ADCY7: variants seen among roughly 807,000 people sequenced by gnomAD.
ADCY7 encodes adenylate cyclase type 7.
In ADCY7, 72 loss-of-function variants were observed where a neutral mutation model predicts 120.6. The ratio of observed to expected loss-of-function variants is 0.60; its 90% CI spans 0.49 to 0.73. The LOEUF (loss-of-function observed/expected upper bound fraction) is 0.73. Ranked by LOEUF, ADCY7 falls within the 30% of genes least tolerant of loss-of-function variation. ADCY7 has a pLI of 0.00. For missense variants in ADCY7, 1,227 were observed against 1,486.0 expected (o/e 0.83, Z 2.87); for synonymous variants, 661 against 628.0 (o/e 1.05, Z -0.78).
At chr16:50,277,878 G>A (rs1454766170) in intron 1 of ADCY7, among the ~76,000 whole-genome samples, 1 of 151,790 alleles carries the variant, frequency 6.6e-6, no homozygotes, top group Non-Finnish European at 1.5e-5. Flanking sequence ...CACCGTGTTA[G>A]CCAGGATGGT....
intron 1 of ADCY7, among the ~76,000 whole-genome samples, chr16:50,280,694 T>C (rs1393587761): frequency 6.6e-6 from 1 of 152,196 alleles, no homozygotes; most frequent in Non-Finnish European, 1.5e-5. Flanking sequence ...ATCAGCCTTT[T>C]CCCTCAGTTT....
intron 21 of ADCY7, 44 bp from the exon 22 acceptor site, chr16:50,312,846 C>G (rs2036562146): frequency 6.2e-7 from 1 of 1,608,668 alleles, no homozygotes. Context: ...TTCCTGTCCC[C>G]TCAAGAGGTG....
At chr16:50,303,154 T>C (rs1194943516) in intron 10 of ADCY7, among the ~76,000 whole-genome samples, 1 of 152,150 alleles carries the variant, frequency 6.6e-6, no homozygotes, top group East Asian at 1.9e-4. Context: ...CTAGGTGCTG[T>C]GTAGGCAGAG....
chr16:50,293,074 C>T (rs1459159677), intron 5 of ADCY7, among the ~76,000 whole-genome samples: 1 of 152,184 alleles, frequency 6.6e-6, no homozygotes, highest in African/African-American at 2.4e-5. Context: ...CGTAGTGGCT[C>T]CAGGCTGCTC....
At position 50,294,627 on chromosome 16, in the gene ADCY7, G is replaced by GCCCCCAACC; in HGVS notation, c.837-9_837-8insCAACCCCCC. On this transcript the variant is annotated splice_polypyrimidine_tract_variant and intron_variant, in intron 6 of 25. Transcript: ENST00000673801. ...TGGCTCTGACACTCCCTCCCACCCT[G>GCCCCCAACC]CCCCATCCCCAGCATCCTCTATGCG... The GCCCCCAACC allele has an allele frequency of 5.4e-6, 7 of 1,287,384 alleles. No individual in the cohort carries two copies. Among genetic ancestry groups the GCCCCCAACC allele is most frequent in the African/African-American group, 1.5e-5 (1 of 68,546 alleles). The allele number at this position is 1,287,384 out of a possible 1,614,324, so 79.7% of individuals were successfully genotyped here.
intron 1 of ADCY7, among the ~76,000 whole-genome samples, chr16:50,269,310 G>C (rs2033410933): frequency 6.6e-6 from 1 of 152,220 alleles, no homozygotes; most frequent in African/African-American, 2.4e-5. Flanking sequence ...CCTGGAGTCA[G>C]GGCCAGCACA....
intron 1 of ADCY7, among the ~76,000 whole-genome samples, chr16:50,276,050 A>G (rs2033870396): frequency 6.6e-6 from 1 of 152,204 alleles, no homozygotes; most frequent in Admixed American, 6.5e-5. Flanking sequence ...CCTGCCAGCA[A>G]GCCTGGAAGG....
At chr16:50,299,545 G>C (rs1207744228) in intron 8 of ADCY7, among the ~76,000 whole-genome samples, 1 of 152,232 alleles carries the variant, frequency 6.6e-6, no homozygotes, top group East Asian at 1.9e-4. Context: ...TATGGGGAGA[G>C]GGCCAGGCAG....
At chr16:50,246,997 G>A (rs574226783) in intron 1 of ADCY7, among the ~76,000 whole-genome samples, 9 of 152,318 alleles carry the variant, frequency 5.9e-5, no homozygotes, top group African/African-American at 2.2e-4. Context: ...AGGATACCCT[G>A]TGTGGTCGGC....
At chr16:50,254,235 C>T (rs1347286734) in intron 1 of ADCY7, among the ~76,000 whole-genome samples, 4 of 152,214 alleles carry the variant, frequency 2.6e-5, no homozygotes, top group African/African-American at 4.8e-5. Flanking sequence ...CCCACCAGCA[C>T]GCCACTCCAC....
At chr16:50,294,786 C>A in intron 7 of ADCY7, 35 bp downstream of exon 7, 1 of 1,499,200 alleles carries the variant, frequency 6.7e-7, no homozygotes, top group Non-Finnish European at 9.2e-7. Context: ...CAAAGCCAGG[C>A]CCCTCCCCTG....
chr16:50,314,711 C>CG, intron 24 of ADCY7: 1 of 446,106 alleles, frequency 2.2e-6, no homozygotes, highest in Non-Finnish European at 4.0e-6. Context: ...TGCGGGCCTG[C>CG]GCTCAAAGCC....
intron 1 of ADCY7, among the ~76,000 whole-genome samples, chr16:50,251,814 T>C (rs2032765470): frequency 6.6e-6 from 1 of 152,194 alleles, no homozygotes; most frequent in African/African-American, 2.4e-5. Flanking sequence ...TCCTAGGAAG[T>C]GATCGCAGGG....
At chr16:50,292,164 G>T (rs1596909550) in intron 4 of ADCY7, among the ~76,000 whole-genome samples, 1 of 152,250 alleles carries the variant, frequency 6.6e-6, no homozygotes, top group Admixed American at 6.5e-5. Flanking sequence ...CCGGTTCAGG[G>T]ACACTGTCGT....
intron 1 of ADCY7, among the ~76,000 whole-genome samples, chr16:50,251,435 A>G (rs2032753861): frequency 6.6e-6 from 1 of 152,218 alleles, no homozygotes; most frequent in Admixed American, 6.5e-5. Context: ...CCTGAGGGGC[A>G]GGCCTTGTTT....
intron 18 of ADCY7, among the ~76,000 whole-genome samples, chr16:50,309,967 A>G (rs1195615542): frequency 6.6e-6 from 1 of 152,084 alleles, no homozygotes; most frequent in African/African-American, 2.4e-5. Context: ...TATTTTATAC[A>G]CGAGTATGCA....
upstream of ADCY7, among the ~76,000 whole-genome samples, chr16:50,266,050 C>T (rs991580370): frequency 3.9e-5 from 6 of 152,142 alleles, no homozygotes; most frequent in Admixed American, 2.0e-4. Flanking sequence ...AGCATGGGAG[C>T]GTAGGTGAGA....
Position 50,317,828 on chromosome 16 carries a change from A to C in ADCY7, c.*2323A>C, listed in dbSNP as rs565969163. 6.6e-6 allele frequency: 1 copy of C among 152,464 alleles called. No homozygotes were observed. The highest frequency in any genetic ancestry group is 1.5e-5 in the Non-Finnish European group (1 of 68,020). 9.4% of individuals were successfully genotyped at this position (152,464 alleles called of 1,614,324 possible). ...TCCATGGGTCAAGGACTTCCTTACA[A>C]TTTCTCCTGAGTTAACTTTTGTGAA... On this transcript the variant is annotated 3_prime_UTR_variant, in exon 26 of 26. Coordinates refer to ENST00000673801, the MANE Select transcript of ADCY7 (RefSeq NM_001114.5).
chr16:50,301,050 C>T, intron 9 of ADCY7, 32 bp from the exon 10 acceptor site: 1 of 1,608,536 alleles, frequency 6.2e-7, no homozygotes, highest in Non-Finnish European at 8.5e-7. Context: ...TCTCTGGGCC[C>T]CAAGGCTCTG....
Sources: gnomAD v4.1 joint callset for allele counts (sites outside exome capture counted in the v4.1 genomes callset) on GRCh38, gnomAD v4.1.1 for gene constraint, MANE v1.5 for transcripts, NCBI Gene and HGNC (gene_info 2026-07-23, HGNC 2026-07-21) for gene names.